GMDS: variants seen among roughly 807,000 people sequenced by gnomAD.
GMDS encodes the protein GDP-mannose 4,6-dehydratase.
A neutral mutation model predicts 49.9 loss-of-function variants in GMDS; 20 were observed. The observed-to-expected ratio is 0.40, with a 90% CI of 0.28 to 0.58. GMDS has a LOEUF of 0.58. Among genes scored for constraint, GMDS ranks in the 20% least tolerant of loss-of-function variants. The probability of loss-of-function intolerance (pLI) is 0.42; values close to 1 mark genes in which losing one functional copy is unlikely to be tolerated. For synonymous variants in GMDS, 177 were observed against 178.6 expected, an observed-to-expected ratio of 0.99 and a Z score of 0.07; for missense variants, 362 against 481.4, an observed-to-expected ratio of 0.75 and a Z score of 2.32.
At chr6:1,760,510 G>A (rs1425218273) in intron 7 of GMDS, among the ~76,000 whole-genome samples, 1 of 152,144 alleles carries the variant, frequency 6.6e-6, no homozygotes, top group Non-Finnish European at 1.5e-5. Flanking sequence ...AGGAGGAGGA[G>A]TACTCAGGGT....
chr6:2,211,909 A>G (rs1780079093), intron 1 of GMDS, among the ~76,000 whole-genome samples: 1 of 152,224 alleles, frequency 6.6e-6, no homozygotes, highest in South Asian at 2.1e-4. Flanking sequence ...AAGCCTTCCA[A>G]AAATATGACT....
chr6:1,807,583 A>G (rs1324305261), intron 7 of GMDS, among the ~76,000 whole-genome samples: 1 of 152,208 alleles, frequency 6.6e-6, no homozygotes, highest in Non-Finnish European at 1.5e-5. Context: ...TCATTAGGAT[A>G]GTTTTTATAA....
At chr6:1,728,165 G>A (rs1766657975) in intron 8 of GMDS, among the ~76,000 whole-genome samples, 1 of 152,084 alleles carries the variant, frequency 6.6e-6, no homozygotes, top group South Asian at 2.1e-4. Flanking sequence ...CATCTCCTGT[G>A]GATAAAGACC....
chr6:2,012,460 TA>T (rs1217310823), intron 4 of GMDS, among the ~76,000 whole-genome samples: 4 of 151,974 alleles, frequency 2.6e-5, no homozygotes, highest in Non-Finnish European at 4.4e-5. Flanking sequence ...ATGCAAACAC[TA>T]ATGAAAAGAA....
intron 7 of GMDS, among the ~76,000 whole-genome samples, chr6:1,773,428 C>T (rs1317436301): frequency 6.6e-6 from 1 of 152,186 alleles, no homozygotes; most frequent in African/African-American, 2.4e-5. Context: ...GCATGAAATA[C>T]ATGTTGGTGC....
chr6:1,799,001 C>T (rs1002772667), intron 7 of GMDS, among the ~76,000 whole-genome samples: 1 of 152,198 alleles, frequency 6.6e-6, no homozygotes, highest in Non-Finnish European at 1.5e-5. Flanking sequence ...CCATACTTCA[C>T]CAGCCAGCAA....
intron 1 of GMDS, among the ~76,000 whole-genome samples, chr6:2,180,443 G>GA (rs1445594720): frequency 1.3e-5 from 2 of 151,868 alleles, no homozygotes; most frequent in Admixed American, 1.3e-4. Context: ...AATGTACTAA[G>GA]AAAAAAATGG....
intron 4 of GMDS, among the ~76,000 whole-genome samples, chr6:2,037,889 G>A (rs1465743002): frequency 5.3e-5 from 8 of 151,942 alleles, no homozygotes; most frequent in Non-Finnish European, 7.4e-5. Context: ...AGAGAAAAGC[G>A]GTAAAAATAA....
chr6:2,123,680 A>T (rs1364178770), intron 2 of GMDS, among the ~76,000 whole-genome samples: 3 of 152,244 alleles, frequency 2.0e-5, no homozygotes, highest in African/African-American at 7.2e-5. Context: ...CGATTATTAC[A>T]GCAGCTTATG....
chr6:2,045,341 A>C (rs1232075871), intron 4 of GMDS, among the ~76,000 whole-genome samples: 1 of 151,748 alleles, frequency 6.6e-6, no homozygotes, highest in South Asian at 2.1e-4. Context: ...TATTGTTTAT[A>C]TATTACTGCT....
intron 7 of GMDS, among the ~76,000 whole-genome samples, chr6:1,834,977 T>C (rs1756856630): frequency 6.6e-6 from 1 of 152,226 alleles, no homozygotes; most frequent in African/African-American, 2.4e-5. Context: ...TGTACTTTCC[T>C]ACAGATGCAA....
intron 6 of GMDS, among the ~76,000 whole-genome samples, chr6:1,938,425 G>A (rs374840325): frequency 6.6e-6 from 1 of 152,182 alleles, no homozygotes; most frequent in Non-Finnish European, 1.5e-5. Flanking sequence ...TTTGAAAGAA[G>A]TTTTGCTAAG....
chr6:2,193,816 C>G (rs1299719193), intron 1 of GMDS, among the ~76,000 whole-genome samples: 1 of 150,666 alleles, frequency 6.6e-6, no homozygotes, highest in South Asian at 2.1e-4. Flanking sequence ...CTCTACCTCC[C>G]AGGTTCACGC....
intron 4 of GMDS, among the ~76,000 whole-genome samples, chr6:2,041,163 A>G (rs1769651198): frequency 6.6e-6 from 1 of 152,238 alleles, no homozygotes; most frequent in Non-Finnish European, 1.5e-5. Context: ...GTACAAATGC[A>G]TGTAAATATG....
intron 4 of GMDS, among the ~76,000 whole-genome samples, chr6:2,070,472 G>C (rs1759300): frequency 0.09 from 13,627 of 152,144 alleles, 1,819 homozygotes; most frequent in African/African-American, 0.29. Context: ...GCAAATTTAT[G>C]ATATAGTAAT....
chr6:1,643,388 C>T (rs527629647), intron 9 of GMDS, among the ~76,000 whole-genome samples: 1 of 152,184 alleles, frequency 6.6e-6, no homozygotes, highest in Non-Finnish European at 1.5e-5. Flanking sequence ...CAGCTGAGCC[C>T]CCGAGGCTCT....
At chr6:2,106,968 A>G (rs1304732654) in intron 4 of GMDS, among the ~76,000 whole-genome samples, 3 of 152,192 alleles carry the variant, frequency 2.0e-5, no homozygotes, top group African/African-American at 7.2e-5. Context: ...ATTGTGGTAA[A>G]TATGTTCATT....
chr6:1,754,907 T>C (rs185878937), intron 7 of GMDS, among the ~76,000 whole-genome samples: 226 of 152,278 alleles, frequency 1.5e-3, no homozygotes, highest in African/African-American at 5.2e-3. Context: ...ATAACAGCCA[T>C]TTATGACAAA....
At chr6:1,952,782 C>T (rs778782263) in intron 6 of GMDS, among the ~76,000 whole-genome samples, 2 of 152,028 alleles carry the variant, frequency 1.3e-5, no homozygotes, top group Admixed American at 1.3e-4. Context: ...GAATGCTTTA[C>T]CCAGACTGAG....
Sources: gnomAD v4.1 joint callset for allele counts (sites outside exome capture counted in the v4.1 genomes callset) on GRCh38, gnomAD v4.1.1 for gene constraint, MANE v1.5 for transcripts, NCBI Gene and HGNC (gene_info 2026-07-23, HGNC 2026-07-21) for gene names.